LOC128125817: variants seen among roughly 807,000 people sequenced by gnomAD.
At chr1:41,585,751 C>T in the LOC128125817 span, among the ~76,000 whole-genome samples, 647 of 152,278 alleles carry the variant, frequency 4.2e-3, 3 homozygotes, top group African/African-American at 0.015. Context: ...GACTGTGCCT[C>T]GGAGCTGCAG....
At chr1:41,624,556 AT>A in the LOC128125817 span, among the ~76,000 whole-genome samples, 1 of 152,300 alleles carries the variant, frequency 6.6e-6, no homozygotes, top group South Asian at 2.1e-4. Context: ...TTGTGTTGTC[AT>A]TTTTTAAATT....
chr1:41,614,774 A>G, the LOC128125817 span, among the ~76,000 whole-genome samples: 1 of 152,374 alleles, frequency 6.6e-6, no homozygotes, highest in Middle Eastern at 3.4e-3. Context: ...TTTAGTATAC[A>G]GCAGTCAGAG....
the LOC128125817 span, among the ~76,000 whole-genome samples, chr1:41,599,880 A>C: frequency 6.6e-6 from 1 of 152,218 alleles, no homozygotes; most frequent in Non-Finnish European, 1.5e-5. Flanking sequence ...AAGCCAAGCA[A>C]AACGATTTTT....
the LOC128125817 span, among the ~76,000 whole-genome samples, chr1:41,608,142 G>A: frequency 2.6e-5 from 4 of 152,160 alleles, no homozygotes; most frequent in Admixed American, 6.5e-5. Context: ...GAGGTGTCTC[G>A]TCTATTTCTC....
chr1:41,617,680 C>T, the LOC128125817 span, among the ~76,000 whole-genome samples: 17 of 152,358 alleles, frequency 1.1e-4, no homozygotes, highest in African/African-American at 2.2e-4. Flanking sequence ...CCATGATGCA[C>T]GGGAGAGAAC....
At chr1:41,588,483 C>T in the LOC128125817 span, among the ~76,000 whole-genome samples, 91 of 152,220 alleles carry the variant, frequency 6.0e-4, no homozygotes, top group South Asian at 1.7e-3. Flanking sequence ...GGTGGTGGAG[C>T]GCCCAGCAGC....
chr1:41,619,665 G>A, the LOC128125817 span, among the ~76,000 whole-genome samples: 1 of 152,158 alleles, frequency 6.6e-6, no homozygotes, highest in African/African-American at 2.4e-5. Context: ...AGGAGTGGGG[G>A]AAGGGATGAG....
chr1:41,628,670 G>A, the LOC128125817 span: 1 of 1,037,566 alleles, frequency 9.6e-7, no homozygotes, highest in Non-Finnish European at 1.2e-6. Context: ...TTTTTCAGAG[G>A]AAGAACTAAG....
chr1:41,618,768 A>G, the LOC128125817 span, among the ~76,000 whole-genome samples: 13 of 152,346 alleles, frequency 8.5e-5, no homozygotes, highest in East Asian at 2.5e-3. Context: ...GAGGAAACTG[A>G]GGCTTGAAGA....
the LOC128125817 span, among the ~76,000 whole-genome samples, chr1:41,600,329 T>G: frequency 2.0e-5 from 3 of 152,222 alleles, no homozygotes; most frequent in African/African-American, 7.2e-5. Context: ...TGTCCATTGA[T>G]GAATGAATGG....
chr1:41,616,735 G>A, the LOC128125817 span, among the ~76,000 whole-genome samples: 8 of 149,302 alleles, frequency 5.4e-5, no homozygotes, highest in African/African-American at 1.7e-4. Flanking sequence ...TTACAGGCTT[G>A]TGCTACTGCA....
At chr1:41,626,181 C>A in the LOC128125817 span, among the ~76,000 whole-genome samples, 1 of 151,686 alleles carries the variant, frequency 6.6e-6, no homozygotes, top group Admixed American at 6.5e-5. Context: ...ATGGGCCACC[C>A]CGCCCTCCCC....
At chr1:41,609,063 A>T in the LOC128125817 span, among the ~76,000 whole-genome samples, 4 of 107,078 alleles carry the variant, frequency 3.7e-5, no homozygotes, top group East Asian at 2.1e-4. Flanking sequence ...CCGTCTCAAT[A>T]AAAAAAAAAA....
chr1:41,594,253 C>T, the LOC128125817 span, among the ~76,000 whole-genome samples: 2 of 152,118 alleles, frequency 1.3e-5, no homozygotes, highest in African/African-American at 4.8e-5. Flanking sequence ...AATGGAGTCT[C>T]GCTCTGTTGC....
the LOC128125817 span, among the ~76,000 whole-genome samples, chr1:41,588,596 G>T: frequency 6.6e-6 from 1 of 152,028 alleles, no homozygotes; most frequent in East Asian, 1.9e-4. Flanking sequence ...GGCCAGCACT[G>T]CCTGCCCAGG....
chr1:41,628,773 T>C, the LOC128125817 span: 2 of 1,232,084 alleles, frequency 1.6e-6, no homozygotes, highest in Non-Finnish European at 2.0e-6. Context: ...CCACTTCCGA[T>C]GACCAAAACT....
chr1:41,625,236 GA>G, the LOC128125817 span, among the ~76,000 whole-genome samples: 81,913 of 140,678 alleles, frequency 0.58, 23,723 homozygotes, highest in African/African-American at 0.75. Context: ...AAACAAGAAA[GA>G]AAAAGGAATA....
At chr1:41,628,709 C>T in the LOC128125817 span, 18 of 1,210,708 alleles carry the variant, frequency 1.5e-5, no homozygotes, top group African/African-American at 1.6e-4. Context: ...ACCAACATGG[C>T]GCCTGGCAAG....
chr1:41,610,741 C>T, the LOC128125817 span, among the ~76,000 whole-genome samples: 1 of 152,164 alleles, frequency 6.6e-6, no homozygotes, highest in Non-Finnish European at 1.5e-5. Flanking sequence ...ATTCCGAGCG[C>T]AATTTCTTGT....
Sources: allele counts gnomAD v4.1 joint callset (sites outside exome capture counted in the v4.1 genomes callset), GRCh38; gene constraint gnomAD v4.1.1; transcripts MANE v1.5.